FHIT: variants seen among roughly 807,000 people sequenced by gnomAD.
FHIT encodes the protein bis(5'-adenosyl)-triphosphatase.
FHIT carries 19 observed loss-of-function variants against 17.9 expected under a neutral mutation model. The observed-to-expected ratio is 1.06, with a 90% CI of 0.74 to 1.56. The LOEUF is 1.56. Among genes scored for constraint, FHIT ranks in the 40% most tolerant of loss-of-function variants. FHIT has a pLI of 0.00. For missense variants in FHIT, 248 were observed against 189.2 expected, an observed-to-expected ratio of 1.31 and a Z score of -1.82; for synonymous variants, 81 against 69.7, an observed-to-expected ratio of 1.16 and a Z score of -0.81.
intron 5 of FHIT, among the ~76,000 whole-genome samples, chr3:60,075,350 C>T (rs898145823): frequency 6.6e-6 from 1 of 151,980 alleles, no homozygotes; most frequent in African/African-American, 2.4e-5. Context: ...ATGTAAGCAC[C>T]AGTGGGAAGA....
chr3:60,504,263 G>A (rs968960756), intron 5 of FHIT, among the ~76,000 whole-genome samples: 15 of 151,686 alleles, frequency 9.9e-5, no homozygotes, highest in Non-Finnish European at 2.9e-5. Context: ...GTGAAACCCC[G>A]TCTCTACTAA....
chr3:60,605,952 C>A (rs1331873126), intron 4 of FHIT, among the ~76,000 whole-genome samples: 1 of 152,154 alleles, frequency 6.6e-6, no homozygotes, highest in East Asian at 1.9e-4. Flanking sequence ...TGCTCTGTCA[C>A]AGATGAAAAC....
intron 5 of FHIT, among the ~76,000 whole-genome samples, chr3:60,322,139 G>A (rs1709460682): frequency 6.6e-6 from 1 of 152,178 alleles, no homozygotes; most frequent in African/African-American, 2.4e-5. Context: ...GGGCCCAACA[G>A]CTTATTTTCA....
intron 1 of FHIT, among the ~76,000 whole-genome samples, chr3:61,242,516 T>C (rs1211048501): frequency 1.3e-5 from 2 of 152,222 alleles, no homozygotes; most frequent in African/African-American, 4.8e-5. Context: ...CAAATCCCCT[T>C]GTCCTTTTGT....
Position 60,167,411 on chromosome 3 carries a change from T to C in FHIT, c.104-153259A>G, listed in dbSNP as rs940102169. On this transcript the variant is annotated intron_variant, in intron 5 of 9. Transcript: ENST00000492590. ...AAATATATCCATATATACACATGCA[T>C]ATGTGTACACACACACACATATTTG... Among the ~76,000 whole-genome samples the C allele has an allele frequency of 7.8e-4, 119 of 152,210 alleles. 9 individuals are homozygous for C. Among genetic ancestry groups the C allele is most frequent in the Admixed American group, 6.5e-5 (1 of 15,288 alleles).
chr3:60,698,407 T>C (rs1481214267), intron 4 of FHIT, among the ~76,000 whole-genome samples: 1 of 152,190 alleles, frequency 6.6e-6, no homozygotes, highest in African/African-American at 2.4e-5. Context: ...CAGAAAGGTG[T>C]GCGGCTTCTG....
intron 5 of FHIT, among the ~76,000 whole-genome samples, chr3:60,111,773 A>AC (rs1704681278): frequency 6.6e-6 from 1 of 152,182 alleles, no homozygotes; most frequent in African/African-American, 2.4e-5. Flanking sequence ...CTCTTGTCCT[A>AC]CCTCAGCTTT....
chr3:60,137,328 A>G (rs1699857355), intron 5 of FHIT, among the ~76,000 whole-genome samples: 1 of 152,198 alleles, frequency 6.6e-6, no homozygotes, highest in African/African-American at 2.4e-5. Context: ...AGGCGGGGTG[A>G]GAGTCCCCCA....
chr3:60,515,731 G>GT (rs2035129702), intron 5 of FHIT, among the ~76,000 whole-genome samples: 1 of 152,164 alleles, frequency 6.6e-6, no homozygotes, highest in Non-Finnish European at 1.5e-5. Flanking sequence ...ACGAGAGAGA[G>GT]TTTAAGCATT....
rs143107448 is a variant in FHIT at position 60,242,480 on chromosome 3, C to T, written c.104-228328G>A. Reference sequence around the variant, plus strand: ...TTCGTGTGTATGTATGTTTGCTTCTCCCCAATCCACATAATCTTCATGAGA... The same window carrying T: ...TTCGTGTGTATGTATGTTTGCTTCTTCCCAATCCACATAATCTTCATGAGA... On this transcript the variant is annotated intron_variant, in intron 5 of 9. Transcript: ENST00000492590. 7.6e-3 allele frequency among the ~76,000 whole-genome samples: 1,150 copies of T among 152,132 alleles called. 10 individuals are homozygous for T. The highest frequency in any genetic ancestry group is 0.026 in the African/African-American group (1,072 of 41,514).
At chr3:60,419,812 G>C (rs1702402462) in intron 5 of FHIT, among the ~76,000 whole-genome samples, 1 of 152,108 alleles carries the variant, frequency 6.6e-6, no homozygotes, top group Non-Finnish European at 1.5e-5. Flanking sequence ...ATTAGGTTCA[G>C]TTTCTTAATG....
chr3:60,951,261 A>G (rs1708873223), intron 3 of FHIT, among the ~76,000 whole-genome samples: 1 of 152,246 alleles, frequency 6.6e-6, no homozygotes, highest in Non-Finnish European at 1.5e-5. Flanking sequence ...TCCAAGGAAC[A>G]AAAGCACAGG....
At chr3:60,285,081 C>T (rs894611021) in intron 5 of FHIT, among the ~76,000 whole-genome samples, 1 of 152,050 alleles carries the variant, frequency 6.6e-6, no homozygotes, top group South Asian at 2.1e-4. Context: ...TCTCCCTCTC[C>T]AACTCCTTTT....
At chr3:60,008,603 G>A (rs1399034389) in intron 7 of FHIT, among the ~76,000 whole-genome samples, 1 of 152,138 alleles carries the variant, frequency 6.6e-6, no homozygotes, top group Non-Finnish European at 1.5e-5. Context: ...CACTCAGCAT[G>A]AGACAAAAAT....
chr3:60,043,922 A>G (rs1016509294), intron 5 of FHIT, among the ~76,000 whole-genome samples: 3 of 152,246 alleles, frequency 2.0e-5, no homozygotes, highest in African/African-American at 7.2e-5. Context: ...CTTCAAAATA[A>G]TAAAACAGAA....
At chr3:61,178,173 G>T (rs896664497) in intron 2 of FHIT, among the ~76,000 whole-genome samples, 2 of 152,080 alleles carry the variant, frequency 1.3e-5, no homozygotes, top group Non-Finnish European at 1.5e-5. Flanking sequence ...AATAGTAACC[G>T]GCAGTTATTG....
chr3:60,184,298 A>G (rs2107450003), intron 5 of FHIT, among the ~76,000 whole-genome samples: 1 of 152,158 alleles, frequency 6.6e-6, no homozygotes, highest in South Asian at 2.1e-4. Context: ...TTTCAATCTA[A>G]TATGCTTTTT....
Position 61,112,726 on chromosome 3 carries a change from A to G in FHIT, c.-163-70627T>C, listed in dbSNP as rs192705136. 1.5e-3 allele frequency among the ~76,000 whole-genome samples: 222 copies of G among 152,290 alleles called. 1 individual carries two copies. Among genetic ancestry groups the G allele is most frequent in the Non-Finnish European group, 9.9e-4 (67 of 68,018 alleles). ...GCATAGCGCTTTATATTCAGGGACC[A>G]GTGGTTATGGAGACACTAAAACCAG... On this transcript the variant is annotated intron_variant, in intron 2 of 9. Coordinates refer to ENST00000492590, the MANE Select transcript of FHIT (RefSeq NM_002012.4).
intron 5 of FHIT, among the ~76,000 whole-genome samples, chr3:60,224,702 TTTTTATTTTATTTTA>T (rs144912388): frequency 1.5e-4 from 22 of 142,406 alleles, no homozygotes; most frequent in South Asian, 9.2e-4. Flanking sequence ...CTCACCAGGA[TTTTTATTTTATTTTA>T]TTTTATTTTA....
Sources: gnomAD v4.1 joint callset for allele counts (sites outside exome capture counted in the v4.1 genomes callset) on GRCh38, gnomAD v4.1.1 for gene constraint, MANE v1.5 for transcripts, NCBI Gene and HGNC (gene_info 2026-07-23, HGNC 2026-07-21) for gene names.